DMD: variants seen among roughly 807,000 people sequenced by gnomAD.
DMD encodes dystrophin.
DMD carries 63 observed loss-of-function variants against 330.1 expected under a neutral mutation model. The observed-to-expected ratio is 0.19, with a 90% CI of 0.16 to 0.24. The LOEUF (loss-of-function observed/expected upper bound fraction) is 0.24. Ranked by LOEUF, DMD falls within the 10% of genes least tolerant of loss-of-function variation. The pLI is 1.00. For missense variants in DMD, 3,344 were observed against 2,684.1 expected, an observed-to-expected ratio of 1.25 and a Z score of -5.43; for synonymous variants, 1,223 against 959.8, an observed-to-expected ratio of 1.27 and a Z score of -5.07.
rs774074333 is a variant in DMD, at chrX:32,670,055, G to A, written c.961-24903C>T. On this transcript the variant is annotated intron_variant, in intron 9 of 78. Transcript: ENST00000357033. ...TGATCTCCTTATAAAAATCATACTT[G>A]ACTATCAAGGCTCATCATTCAGTTA... 4.5e-5 allele frequency among the ~76,000 whole-genome samples: 5 copies of A among 111,764 alleles called. No homozygotes were observed. In the South Asian group the frequency reaches 1.9e-3, roughly 42 times the overall value.
In DMD at chrX:31,892,468, GA is replaced by G. The variant is rs912681626; in HGVS notation, c.6913-17096del. ...TATTGGATTCCGAAGGCATAGTACT[GA>G]AAAAAAAAAAGAATCCAAAATATTT... On this transcript the variant is annotated intron_variant, in intron 47 of 78. Coordinates refer to ENST00000357033, the MANE Select transcript of DMD (RefSeq NM_004006.3). 7.7e-3 allele frequency among the ~76,000 whole-genome samples: 772 copies of G among 99,919 alleles called. 4 individuals carry two copies. The highest frequency in any genetic ancestry group is 0.018 in the African/African-American group (492 of 27,603). The allele number at this position is 99,919 out of a possible 115,157, so 86.8% of individuals were successfully genotyped here.
chrX:31,122,174 G>GTGTT (rs980181693), intron 78 of DMD, among the ~76,000 whole-genome samples: 39 of 111,721 alleles, frequency 3.5e-4, no homozygotes, highest in Non-Finnish European at 6.6e-4. Context: ...CAGGCTACTG[G>GTGTT]TGTTTACATG....
At chrX:33,185,119 A>G (rs1341213734) in intron 1 of DMD, among the ~76,000 whole-genome samples, 1 of 110,941 alleles carries the variant, frequency 9.0e-6, no homozygotes, top group Non-Finnish European at 1.9e-5. Flanking sequence ...ATTTGCCAAA[A>G]ATAATCTATT....
chrX:31,757,235 A>G lies in DMD; in HGVS notation c.7542+16725T>C, dbSNP rs139648911. Among the ~76,000 whole-genome samples the G allele has an allele frequency of 4.3e-3, 484 of 111,446 alleles. 2 individuals carry two copies. Among genetic ancestry groups the G allele is most frequent in the African/African-American group, 0.014 (426 of 30,683 alleles). On this transcript the variant is annotated intron_variant, in intron 51 of 78. Transcript: ENST00000357033. ...GGTTTGAAGGTGCTCTCCTCACTATACTCCAATTTACACACCACAATCTAT... is the reference window on the plus strand; with the variant it reads ...GGTTTGAAGGTGCTCTCCTCACTATGCTCCAATTTACACACCACAATCTAT...
At chrX:32,450,321 T>G (rs2098324814) in intron 26 of DMD, among the ~76,000 whole-genome samples, 1 of 111,393 alleles carries the variant, frequency 9.0e-6, no homozygotes, top group South Asian at 3.7e-4. Flanking sequence ...CTTAAAAGTA[T>G]GCATTATGTC....
At chrX:31,777,728 C>T (rs1211945498) in intron 50 of DMD, among the ~76,000 whole-genome samples, 1 of 112,027 alleles carries the variant, frequency 8.9e-6, no homozygotes, top group African/African-American at 3.2e-5. Flanking sequence ...ACTATGAAAA[C>T]AGTACCAATC....
chrX:32,113,565 A>T (rs1375176403), intron 44 of DMD, among the ~76,000 whole-genome samples: 32 of 111,928 alleles, frequency 2.9e-4, no homozygotes. Flanking sequence ...GACTTTTTCC[A>T]TGCCCTATTT....
At chrX:32,636,015 C>A (rs1455510168) in intron 11 of DMD, among the ~76,000 whole-genome samples, 1 of 111,991 alleles carries the variant, frequency 8.9e-6, no homozygotes, top group Non-Finnish European at 1.9e-5. Context: ...GTATTCCTTA[C>A]TAGACTCAGC....
chrX:32,266,924 G>A lies in DMD; in HGVS notation c.6290+20605C>T, dbSNP rs6628695. Among the ~76,000 whole-genome samples, 2,399 of 111,657 alleles carry A rather than the reference G, an allele frequency of 0.021. 140 individuals are homozygous for A. In the East Asian group the frequency reaches 0.31, roughly 14 times the overall value. On this transcript the variant is annotated intron_variant, in intron 43 of 78. Transcript: ENST00000357033. ...CCTAAATTCTCCCCTTTAGCTATGCGGTGATCTATTTCCTGCTACATACAA... is the reference window on the plus strand; with the variant it reads ...CCTAAATTCTCCCCTTTAGCTATGCAGTGATCTATTTCCTGCTACATACAA...
At chrX:32,335,688 A>T (rs775096408) in intron 41 of DMD, among the ~76,000 whole-genome samples, 1 of 108,843 alleles carries the variant, frequency 9.2e-6, no homozygotes, top group South Asian at 3.6e-4. Flanking sequence ...TATATAACAT[A>T]TAACATGTTA....
intron 1 of DMD, among the ~76,000 whole-genome samples, chrX:33,057,268 A>G (rs1346126935): frequency 9.0e-6 from 1 of 111,630 alleles, no homozygotes; most frequent in Non-Finnish European, 1.9e-5. Flanking sequence ...GTGCCTGTCC[A>G]TCTTGTTTAG....
intron 7 of DMD, among the ~76,000 whole-genome samples, chrX:32,709,172 A>T (rs1237508478): frequency 4.5e-5 from 5 of 111,963 alleles, no homozygotes; most frequent in Non-Finnish European, 9.4e-5. Flanking sequence ...AACTACAAAT[A>T]CAATAATATC....
intron 21 of DMD, among the ~76,000 whole-genome samples, chrX:32,479,676 T>A (rs1486380106): frequency 9.1e-6 from 1 of 109,859 alleles, no homozygotes; most frequent in Non-Finnish European, 1.9e-5. Flanking sequence ...GACACTGGAA[T>A]ATATTTATCA....
At chrX:32,789,496 C>A (rs2075659536) in intron 7 of DMD, among the ~76,000 whole-genome samples, 1 of 112,083 alleles carries the variant, frequency 8.9e-6, no homozygotes, top group East Asian at 2.8e-4. Flanking sequence ...ACAGCCCGTC[C>A]TCAGTGAAAT....
At chrX:32,568,085 A>C in intron 15 of DMD, among the ~76,000 whole-genome samples, 1 of 112,319 alleles carries the variant, frequency 8.9e-6, no homozygotes, top group Non-Finnish European at 1.9e-5. Flanking sequence ...ATGTTTAAAG[A>C]AGAGGATTGC....
At chrX:32,914,795 T>G (rs2087640008) in intron 2 of DMD, among the ~76,000 whole-genome samples, 1 of 112,601 alleles carries the variant, frequency 8.9e-6, no homozygotes, top group South Asian at 3.6e-4. Flanking sequence ...AAATATCTTT[T>G]TAATAACATT....
chrX:32,936,685 G>A (rs781319640), intron 2 of DMD, among the ~76,000 whole-genome samples: 1 of 111,869 alleles, frequency 8.9e-6, no homozygotes, highest in African/African-American at 3.3e-5. Flanking sequence ...GATAAAGGAA[G>A]ATAATGTGGC....
intron 7 of DMD, among the ~76,000 whole-genome samples, chrX:32,718,276 T>A (rs778314083): frequency 2.7e-5 from 3 of 111,081 alleles, no homozygotes; most frequent in South Asian, 3.8e-4. Context: ...AGGGGCAGAT[T>A]TCCCTCTTAC....
intron 43 of DMD, among the ~76,000 whole-genome samples, chrX:32,283,040 C>A (rs1569555853): frequency 8.9e-6 from 1 of 111,994 alleles, no homozygotes; most frequent in Non-Finnish European, 1.9e-5. Context: ...TTCACAGGAG[C>A]AGAGGCCATG....
Sources: gnomAD v4.1 joint callset for allele counts (sites outside exome capture counted in the v4.1 genomes callset) on GRCh38, gnomAD v4.1.1 for gene constraint, MANE v1.5 for transcripts, NCBI Gene and HGNC (gene_info 2026-07-23, HGNC 2026-07-21) for gene names.